MGAT5B: variants seen among roughly 807,000 people sequenced by gnomAD.
MGAT5B encodes alpha-1,6-mannosylglycoprotein 6-beta-N-acetylglucosaminyltransferase B, also known as N-acetylglucosaminyl-transferase Vb.
A neutral mutation model predicts 95.1 loss-of-function variants in MGAT5B; 54 were observed. The observed-to-expected ratio is 0.57, with a 90% CI of 0.46 to 0.71. The LOEUF (loss-of-function observed/expected upper bound fraction) is 0.71, where lower values mean the gene tolerates loss of function less well. Among genes scored for constraint, MGAT5B ranks in the 30% least tolerant of loss-of-function variants. The probability of loss-of-function intolerance (pLI) is 0.00; values close to 1 mark genes in which losing one functional copy is unlikely to be tolerated. For missense variants in MGAT5B, 935 were observed against 1,088.6 expected (o/e 0.86, Z 1.99); for synonymous variants, 464 against 451.0 (o/e 1.03, Z -0.36).
intron 2 of MGAT5B, among the ~76,000 whole-genome samples, chr17:76,875,889 A>C (rs915953325): frequency 6.6e-6 from 1 of 151,992 alleles, no homozygotes; most frequent in Non-Finnish European, 1.5e-5. Context: ...TTCTCAGACC[A>C]AGTTTATCCA....
chr17:76,906,336 C>T lies in MGAT5B; in HGVS notation c.1025+149C>T. ...CCCTGGGAGACATCCTGGTGTTCCGCAGGACATCACCACTCCTAATCCCCC... is the reference window on the plus strand; with the variant it reads ...CCCTGGGAGACATCCTGGTGTTCCGTAGGACATCACCACTCCTAATCCCCC... On this transcript the variant is annotated intron_variant, in intron 8 of 17. Coordinates refer to ENST00000569840, the MANE Select transcript of MGAT5B (RefSeq NM_001199172.2). The surrounding 1 kb of genome is among the most constrained non-coding windows in gnomAD (Gnocchi z 4.6). The T allele has an allele frequency of 2.9e-6, 2 of 689,338 alleles. No individual in the cohort carries two copies. Among genetic ancestry groups the T allele is most frequent in the Non-Finnish European group, 4.6e-6 (2 of 433,270 alleles). The allele number at this position is 689,338 out of a possible 1,614,324, so 42.7% of individuals were successfully genotyped here. A position where few individuals can be genotyped will look rare whatever the true frequency, so the allele number is the denominator to read the frequency against.
At position 76,915,783 on chromosome 17, in the gene MGAT5B, C is replaced by T. The variant is rs547083262; in HGVS notation, c.1026-9183C>T. 2.0e-5 allele frequency among the ~76,000 whole-genome samples: 3 copies of T among 152,326 alleles called. No individual in the cohort carries two copies. The highest frequency in any genetic ancestry group is 1.9e-4 in the East Asian group (1 of 5,184). On this transcript the variant is annotated intron_variant, in intron 8 of 17. Coordinates refer to ENST00000569840, the MANE Select transcript of MGAT5B (RefSeq NM_001199172.2). The surrounding 1 kb of genome is among the most constrained non-coding windows in gnomAD (Gnocchi z 8.7). Reference sequence around the variant, plus strand: ...TACAATTCACTAAAAATCCCCGGCCCCTCTCCTGTCTCCTTTTTCCTTCCC... The same window carrying T: ...TACAATTCACTAAAAATCCCCGGCCTCTCTCCTGTCTCCTTTTTCCTTCCC...
intron 3 of MGAT5B, 40 bp downstream of exon 3, chr17:76,882,338 C>T (rs1663456): frequency 0.26 from 398,493 of 1,519,074 alleles, 63,316 homozygotes; most frequent in African/African-American, 0.61. Flanking sequence ...AGCAGGGGAG[C>T]GGTGGCACCT....
chr17:76,895,934 C>T (rs571775610), intron 3 of MGAT5B, among the ~76,000 whole-genome samples: 10 of 152,260 alleles, frequency 6.6e-5, no homozygotes, highest in African/African-American at 2.4e-4. Context: ...CAAACATTTT[C>T]GAGGGCCCCT....
intron 3 of MGAT5B, among the ~76,000 whole-genome samples, chr17:76,894,169 G>T (rs143835036): frequency 6.6e-6 from 1 of 152,156 alleles, no homozygotes; most frequent in African/African-American, 2.4e-5. Context: ...CTGTTCCCCC[G>T]CCAGGAACAT....
intron 12 of MGAT5B, among the ~76,000 whole-genome samples, chr17:76,933,861 C>A (rs867750705): frequency 6.6e-6 from 1 of 152,254 alleles, no homozygotes; most frequent in East Asian, 1.9e-4. Context: ...CTTGACCCAT[C>A]GTGTTTAGTT....
chr17:76,948,115 G>A, intron 17 of MGAT5B, 29 bp downstream of exon 17: 1 of 1,056,016 alleles, frequency 9.5e-7, no homozygotes, highest in South Asian at 1.4e-5. Flanking sequence ...TCCCCACCCA[G>A]CCGCTATCAT....
chr17:76,898,389 C>T (rs1183773417), intron 3 of MGAT5B, among the ~76,000 whole-genome samples: 4 of 149,012 alleles, frequency 2.7e-5, no homozygotes, highest in Admixed American at 2.0e-4. Flanking sequence ...AGTGCAGTGA[C>T]GCGATCTCGG....
At chr17:76,872,505 A>T in intron 1 of MGAT5B, 1 of 618,054 alleles carries the variant, frequency 1.6e-6, no homozygotes, top group Non-Finnish European at 2.7e-6. Flanking sequence ...AAGGAGTCTC[A>T]GGTGATGCTG....
chr17:76,914,073 C>A lies in MGAT5B; in HGVS notation c.1025+7886C>A. 5.7e-6 allele frequency: 1 copy of A among 175,212 alleles called. No homozygotes were observed. Among genetic ancestry groups the A allele is most frequent in the South Asian group, 1.2e-4 (1 of 8,206 alleles). The allele number at this position is 175,212 out of a possible 1,614,324, so 10.9% of individuals were successfully genotyped here. On this transcript the variant is annotated intron_variant, in intron 8 of 17. Coordinates refer to ENST00000569840, the MANE Select transcript of MGAT5B (RefSeq NM_001199172.2). The surrounding 1 kb of genome is among the most constrained non-coding windows in gnomAD (Gnocchi z 5.1). ...CCGTGATCATGCTACTGCACTCTAGCTTGGGTGACAAAGCAAGACTGTCTC... is the reference window on the plus strand; with the variant it reads ...CCGTGATCATGCTACTGCACTCTAGATTGGGTGACAAAGCAAGACTGTCTC...
intron 11 of MGAT5B, 78 bp from the exon 12 acceptor site, chr17:76,933,214 A>G (rs1480499566): frequency 8.2e-6 from 13 of 1,581,774 alleles, no homozygotes; most frequent in Non-Finnish European, 1.1e-5. Context: ...AGCTGCCTGC[A>G]TGGGGTGTTG....
intron 8 of MGAT5B, among the ~76,000 whole-genome samples, chr17:76,922,809 A>T (rs1435560225): frequency 6.6e-6 from 1 of 152,174 alleles, no homozygotes; most frequent in Non-Finnish European, 1.5e-5. Context: ...AAGTTTATAG[A>T]CAAGAAATGA....
intron 10 of MGAT5B, among the ~76,000 whole-genome samples, chr17:76,931,002 A>C (rs954532044): frequency 1.3e-5 from 2 of 152,244 alleles, no homozygotes; most frequent in Non-Finnish European, 2.9e-5. Flanking sequence ...TTTGTCCAGC[A>C]TTCATAAAGC....
chr17:76,906,556 C>G lies in MGAT5B; in HGVS notation c.1025+369C>G, dbSNP rs545725282. ...GCTTGGTTTCTCTTCTGAACCTGGG[C>G]TCCTTCTTGGGTCTACTTTAGGGTC... On this transcript the variant is annotated intron_variant, in intron 8 of 17. Coordinates refer to ENST00000569840, the MANE Select transcript of MGAT5B (RefSeq NM_001199172.2). This position sits in a 1 kb window ranked among gnomAD's most constrained non-coding sequence, Gnocchi z 4.6. 5.3e-5 allele frequency among the ~76,000 whole-genome samples: 8 copies of G among 152,202 alleles called. No individual in the cohort carries two copies. The highest frequency in any genetic ancestry group is 7.3e-5 in the Non-Finnish European group (5 of 68,036).
chr17:76,947,981 G>A lies in MGAT5B; in HGVS notation c.2075G>A (p.Trp692Ter). 1 of 1,612,190 alleles carries A rather than the reference G, an allele frequency of 6.2e-7. No individual in the cohort carries two copies. Among genetic ancestry groups the A allele is most frequent in the Non-Finnish European group, 8.5e-7 (1 of 1,179,250 alleles). The part of the protein sequence containing the change: ...AWPPAHALRA[W>*]LAVPGRACTD... The stretch of plus-strand genomic sequence containing the variant: ...CCCCCCGCGCACGCCCTGCGGGCCT[G>A]GCTGGCCGTGCCTGGGAGGGCCTGC... Residue 692 changes from tryptophan to a stop codon, truncating the protein, a stop_gained, in exon 17 of 18, where the codon TGG becomes TAG. Coordinates refer to ENST00000569840, the MANE Select transcript of MGAT5B (RefSeq NM_001199172.2). LOFTEE classifies it high-confidence loss of function.
chr17:76,926,776 G>T, intron 10 of MGAT5B, 46 bp downstream of exon 10: 1 of 1,594,488 alleles, frequency 6.3e-7, no homozygotes, highest in Non-Finnish European at 8.6e-7. Flanking sequence ...TCCTCCTCAT[G>T]GTTCTCAGAG....
rs1282908254 is a variant in MGAT5B, at chr17:76,950,078, C to G, written c.*1240C>G. ...GGCCTTCAGAACACTGCCACCCACC[C>G]AGTTTTATAATCCCGCTCCCTCTCC... On this transcript the variant is annotated 3_prime_UTR_variant, in exon 18 of 18. Coordinates refer to ENST00000569840, the MANE Select transcript of MGAT5B (RefSeq NM_001199172.2). 1 of 152,616 alleles carries G rather than the reference C, an allele frequency of 6.6e-6. No individual in the cohort carries two copies. Among genetic ancestry groups the G allele is most frequent in the Non-Finnish European group, 1.5e-5 (1 of 68,100 alleles). 9.5% of individuals were successfully genotyped at this position (152,616 alleles called of 1,614,324 possible).
At chr17:76,882,776 A>G (rs1217108705) in intron 3 of MGAT5B, among the ~76,000 whole-genome samples, 1 of 136,114 alleles carries the variant, frequency 7.3e-6, no homozygotes, top group African/African-American at 2.9e-5. Context: ...GTGCAGTGGC[A>G]CAGTCTCAGC....
In MGAT5B at chr17:76,949,115, G is replaced by C. The variant is rs1458934905; in HGVS notation, c.*277G>C. 1 of 495,786 alleles carries C rather than the reference G, an allele frequency of 2.0e-6. No homozygotes were observed. The highest frequency in any genetic ancestry group is 3.6e-6 in the Non-Finnish European group (1 of 275,842). 30.7% of individuals were successfully genotyped at this position (495,786 alleles called of 1,614,324 possible). On this transcript the variant is annotated 3_prime_UTR_variant, in exon 18 of 18. Coordinates refer to ENST00000569840, the MANE Select transcript of MGAT5B (RefSeq NM_001199172.2). ...GCAGGTGTCGGACTGCTCAGAGTCC[G>C]CATGGCCCAGGAGCAGGTGGTCGGA...
Sources: allele counts gnomAD v4.1 joint callset (sites outside exome capture counted in the v4.1 genomes callset), GRCh38; gene constraint gnomAD v4.1.1; non-coding constraint Gnocchi (gnomAD v3.1); transcripts MANE v1.5; gene names NCBI Gene and HGNC (gene_info 2026-07-23, HGNC 2026-07-21).